VPS13A: variants seen among roughly 807,000 people sequenced by gnomAD.
VPS13A encodes vacuolar protein sorting 13 homolog A.
In VPS13A, 264 loss-of-function variants were observed where a neutral mutation model predicts 390.9. The ratio of observed to expected loss-of-function variants is 0.68; its 90% CI spans 0.61 to 0.75. The LOEUF is 0.75. Ranked by LOEUF, VPS13A falls within the 30% of genes least tolerant of loss-of-function variation. The probability of loss-of-function intolerance (pLI) is 0.00; values close to 1 mark genes in which losing one functional copy is unlikely to be tolerated. For synonymous variants in VPS13A, 1,231 were observed against 1,227.1 expected, an observed-to-expected ratio of 1.00 and a Z score of -0.07; for missense variants, 3,409 against 3,733.9, an observed-to-expected ratio of 0.91 and a Z score of 2.27.
chr9:77,315,147 C>G, intron 37 of VPS13A, 106 bp from the exon 38 acceptor site: 1 of 1,035,684 alleles, frequency 9.7e-7, no homozygotes, highest in Non-Finnish European at 1.5e-6. Flanking sequence ...CTTCAGAATG[C>G]TTTTTTTTGT....
intron 34 of VPS13A, among the ~76,000 whole-genome samples, chr9:77,303,471 G>A (rs981469219): frequency 1.4e-4 from 21 of 152,114 alleles, no homozygotes; most frequent in African/African-American, 3.4e-4. Context: ...CTAGTCGGGT[G>A]GGATGAGAGA....
intron 31 of VPS13A, among the ~76,000 whole-genome samples, chr9:77,285,848 T>G (rs771166458): frequency 6.6e-6 from 1 of 152,242 alleles, no homozygotes; most frequent in Non-Finnish European, 1.5e-5. Context: ...AAGTCTGTTA[T>G]AGTTTATGAA....
At chr9:77,185,175 C>T (rs1388347818) in intron 1 of VPS13A, among the ~76,000 whole-genome samples, 1 of 151,692 alleles carries the variant, frequency 6.6e-6, no homozygotes, top group East Asian at 1.9e-4. Flanking sequence ...CAGAGTCTCG[C>T]TCTGTCGCCA....
intron 47 of VPS13A, 22 bp from the exon 48 acceptor site, chr9:77,339,494 G>GTTTTTTTTTTTTTTTTTTTTTTTTTTTT: frequency 7.4e-7 from 1 of 1,343,316 alleles, no homozygotes; most frequent in Non-Finnish European, 9.9e-7. Flanking sequence ...ATTTTGTTTT[G>GTTTTTTTTTTTTTTTTTTTTTTTTTTTT]TTTTTTTTTT....
At position 77,419,404 on chromosome 9, in the gene VPS13A, A is replaced by T. The variant is rs1268386282; in HGVS notation, c.*3398A>T. The T allele has an allele frequency of 6.6e-6, 1 of 152,210 alleles. No homozygotes were observed. Among genetic ancestry groups the T allele is most frequent in the Non-Finnish European group, 1.5e-5 (1 of 68,044 alleles). The allele number at this position is 152,210 out of a possible 1,614,324, so 9.4% of individuals were successfully genotyped here. A position where few individuals can be genotyped will look rare whatever the true frequency, so the allele number is the denominator to read the frequency against. On this transcript the variant is annotated 3_prime_UTR_variant, in exon 72 of 72. Transcript: ENST00000360280. ...ACAATATAAAGTGTTTCCTGTTATG[A>T]AATGCAATTTAAAAAAAGAAAGCTT...
chr9:77,339,514 A>G lies in VPS13A; in HGVS notation c.6379-2A>G. ...GTTTTGTTTTTTTTTTTTTTATTAC[A>G]GGGAATTGAAAATTCGGTTTTTACT... On this transcript the variant is annotated splice_acceptor_variant, in intron 47 of 71. Coordinates refer to ENST00000360280, the MANE Select transcript of VPS13A (RefSeq NM_033305.3). LOFTEE classifies it high-confidence loss of function. 1.3e-6 allele frequency: 2 copies of G among 1,523,698 alleles called. No individual in the cohort carries two copies. Among genetic ancestry groups the G allele is most frequent in the Non-Finnish European group, 1.8e-6 (2 of 1,135,118 alleles). 94.4% of individuals were successfully genotyped at this position (1,523,698 alleles called of 1,614,324 possible). A position where few individuals can be genotyped will look rare whatever the true frequency, so the allele number is the denominator to read the frequency against.
At chr9:77,404,721 T>C (rs1834522571) in intron 69 of VPS13A, among the ~76,000 whole-genome samples, 1 of 152,190 alleles carries the variant, frequency 6.6e-6, no homozygotes, top group South Asian at 2.1e-4. Context: ...GAATAAAACG[T>C]GATGGTTATA....
intron 13 of VPS13A, among the ~76,000 whole-genome samples, chr9:77,222,703 T>C (rs1056473782): frequency 4.8e-4 from 73 of 152,202 alleles, no homozygotes; most frequent in African/African-American, 1.7e-3. Flanking sequence ...GTTATGATGA[T>C]CTATGATCAG....
chr9:77,354,802 A>T (rs564275152), intron 54 of VPS13A, among the ~76,000 whole-genome samples: 4 of 152,112 alleles, frequency 2.6e-5, no homozygotes, highest in African/African-American at 9.6e-5. Flanking sequence ...GACCCATCTC[A>T]CCCCCCAATA....
intron 24 of VPS13A, 140 bp downstream of exon 24, chr9:77,273,504 A>G (rs891020615): frequency 1.7e-5 from 11 of 665,092 alleles, no homozygotes; most frequent in Admixed American, 5.9e-5. Flanking sequence ...CTGAGGCTCT[A>G]TGAATGGAAG....
At chr9:77,201,179 T>C (rs1051830471) in intron 2 of VPS13A, among the ~76,000 whole-genome samples, 186 bp from the exon 3 acceptor site, 16 of 152,126 alleles carry the variant, frequency 1.1e-4, no homozygotes, top group Non-Finnish European at 1.2e-4. Flanking sequence ...CTTCCCTGGA[T>C]TTTATGGATT....
At chr9:77,325,632 C>CT (rs1337522301) in intron 45 of VPS13A, among the ~76,000 whole-genome samples, 1 of 150,714 alleles carries the variant, frequency 6.6e-6, no homozygotes, top group Admixed American at 6.6e-5. Flanking sequence ...GGCTTATTGG[C>CT]TGTATCTCTT....
At chr9:77,369,643 T>C (rs889406864) in intron 63 of VPS13A, among the ~76,000 whole-genome samples, 2 of 152,182 alleles carry the variant, frequency 1.3e-5, no homozygotes, top group Non-Finnish European at 2.9e-5. Context: ...AAGTGTTCTC[T>C]TGGAATATAA....
intron 22 of VPS13A, 120 bp from the exon 23 acceptor site, chr9:77,259,966 G>C (rs997965666): frequency 6.8e-6 from 5 of 732,630 alleles, no homozygotes; most frequent in Non-Finnish European, 1.1e-5. Flanking sequence ...AATTGGAATA[G>C]AGATTTTTAG....
chr9:77,387,222 A>G (rs1833725051), intron 68 of VPS13A, among the ~76,000 whole-genome samples: 1 of 151,980 alleles, frequency 6.6e-6, no homozygotes, highest in African/African-American at 2.4e-5. Context: ...ATATATTCTT[A>G]TTTCTTATCA....
intron 33 of VPS13A, among the ~76,000 whole-genome samples, chr9:77,296,128 A>T (rs766274445): frequency 3.9e-5 from 6 of 152,222 alleles, no homozygotes; most frequent in Non-Finnish European, 8.8e-5. Flanking sequence ...GTTCATTATA[A>T]ATTACATGGC....
chr9:77,263,939 G>A (rs1825893177), intron 23 of VPS13A, among the ~76,000 whole-genome samples: 1 of 152,152 alleles, frequency 6.6e-6, no homozygotes, highest in African/African-American at 2.4e-5. Context: ...CTAAGGAAGT[G>A]GTCCAGTTTC....
intron 1 of VPS13A, among the ~76,000 whole-genome samples, chr9:77,184,345 A>G (rs1824200906): frequency 6.6e-6 from 1 of 152,182 alleles, no homozygotes; most frequent in African/African-American, 2.4e-5. Context: ...GGAGCCAGGC[A>G]TGATGGCTCA....
chr9:77,390,626 C>T (rs1306107276), intron 68 of VPS13A, among the ~76,000 whole-genome samples: 1 of 138,176 alleles, frequency 7.2e-6, no homozygotes. Flanking sequence ...TCATTTCCCA[C>T]CGCCCGCCAC....
Sources: gnomAD v4.1 joint callset for allele counts (sites outside exome capture counted in the v4.1 genomes callset) on GRCh38, gnomAD v4.1.1 for gene constraint, MANE v1.5 for transcripts, NCBI Gene and HGNC (gene_info 2026-07-23, HGNC 2026-07-21) for gene names.